Variants in DCC observed in about 807,000 individuals in gnomAD.
DCC encodes DCC netrin 1 receptor.
DCC carries 58 observed loss-of-function variants against 172.5 expected under a neutral mutation model. The ratio of observed to expected loss-of-function variants is 0.34; its 90% CI spans 0.27 to 0.42. The LOEUF is 0.42. DCC is among the 10% of genes least tolerant of loss of function. DCC has a pLI of 1.00. For missense variants in DCC, 1,740 were observed against 1,791.0 expected (o/e 0.97, Z 0.51); for synonymous variants, 709 against 644.5 (o/e 1.10, Z -1.52).
At chr18:52,723,367 A>G (rs1341800544) in intron 1 of DCC, among the ~76,000 whole-genome samples, 1 of 152,202 alleles carries the variant, frequency 6.6e-6, no homozygotes, top group Non-Finnish European at 1.5e-5. Context: ...GCCATTAAGG[A>G]TGACACAAAC....
intron 12 of DCC, among the ~76,000 whole-genome samples, chr18:53,220,378 C>G (rs4632195): frequency 6.6e-6 from 1 of 151,772 alleles, no homozygotes; most frequent in Non-Finnish European, 1.5e-5. Flanking sequence ...GTTCATTTCT[C>G]TCCTGTATGT....
intron 3 of DCC, among the ~76,000 whole-genome samples, chr18:52,909,658 G>C (rs1169645368): frequency 6.6e-6 from 1 of 152,058 alleles, no homozygotes; most frequent in Non-Finnish European, 1.5e-5. Flanking sequence ...AACAAACAGT[G>C]GTTTTAAAGT....
chr18:52,575,619 G>A (rs1226932375), intron 1 of DCC, among the ~76,000 whole-genome samples: 1 of 151,936 alleles, frequency 6.6e-6, no homozygotes, highest in Non-Finnish European at 1.5e-5. Flanking sequence ...TCCTACCTTT[G>A]TAGAAAAATC....
intron 1 of DCC, among the ~76,000 whole-genome samples, chr18:52,496,859 T>C (rs574834219): frequency 1.3e-5 from 2 of 152,136 alleles, no homozygotes; most frequent in Admixed American, 6.5e-5. Context: ...AATAGAAGAT[T>C]GTGCTTGTCC....
At chr18:52,467,202 C>A (rs1322161941) in intron 1 of DCC, among the ~76,000 whole-genome samples, 1 of 151,968 alleles carries the variant, frequency 6.6e-6, no homozygotes, top group Admixed American at 6.6e-5. Flanking sequence ...CCCTAGTCCC[C>A]CACCCCCCGA....
intron 2 of DCC, among the ~76,000 whole-genome samples, chr18:52,823,529 G>T (rs1028258048): frequency 3.3e-5 from 5 of 151,822 alleles, no homozygotes; most frequent in African/African-American, 1.2e-4. Context: ...GGGAATACTT[G>T]GAATGTCAAA....
At chr18:52,470,357 A>T (rs921736) in intron 1 of DCC, among the ~76,000 whole-genome samples, 4,698 of 152,172 alleles carry the variant, frequency 0.031, 252 homozygotes, top group East Asian at 0.24. Flanking sequence ...TAAAGAAGAG[A>T]TATGCATTGT....
chr18:53,261,138 CCCTTGCACTTCCCGGGTGAGGTGATG>C (rs1414834917), intron 12 of DCC, among the ~76,000 whole-genome samples: 3 of 152,142 alleles, frequency 2.0e-5, no homozygotes, highest in Non-Finnish European at 4.4e-5. Flanking sequence ...ATTGCCTGAC[CCCTTGCACTTCCCGGGTGAGGTGATG>C]CCTCGCCCTG....
intron 9 of DCC, among the ~76,000 whole-genome samples, chr18:53,194,362 C>T (rs1017012725): frequency 2.0e-5 from 3 of 152,008 alleles, no homozygotes; most frequent in African/African-American, 4.8e-5. Flanking sequence ...TTAAAAGGCT[C>T]CATTTATATC....
Position 53,312,178 on chromosome 18 carries a change from GAA to G in DCC, c.2053+6463_2053+6464del, listed in dbSNP as rs2057278737. ...CAAAAAAAAAAAAAAAAAAAAAAAA[GAA>G]AAAGAAAATTAGCCTGGTGTGGTGG... On this transcript the variant is annotated intron_variant, in intron 13 of 28. Coordinates refer to ENST00000442544, the MANE Select transcript of DCC (RefSeq NM_005215.4). 7.4e-5 allele frequency among the ~76,000 whole-genome samples: 2 copies of G among 27,204 alleles called. 1 individual carries two copies. Among genetic ancestry groups the G allele is most frequent in the African/African-American group, 3.7e-4 (2 of 5,390 alleles). The allele number at this position is 27,204 out of a possible 152,430, so 17.8% of individuals were successfully genotyped here.
intron 2 of DCC, among the ~76,000 whole-genome samples, chr18:52,850,548 C>T (rs1241262574): frequency 5.3e-5 from 8 of 152,032 alleles, no homozygotes; most frequent in Admixed American, 2.0e-4. Flanking sequence ...TCTAAGTGAA[C>T]GTATGACTAC....
intron 5 of DCC, among the ~76,000 whole-genome samples, chr18:53,056,355 C>G (rs1411369428): frequency 6.6e-6 from 1 of 152,078 alleles, no homozygotes; most frequent in Non-Finnish European, 1.5e-5. Context: ...TCTCAACACA[C>G]GGGGATTACA....
At chr18:52,920,854 C>A (rs1433519582) in intron 3 of DCC, among the ~76,000 whole-genome samples, 1 of 151,994 alleles carries the variant, frequency 6.6e-6, no homozygotes, top group African/African-American at 2.4e-5. Flanking sequence ...AAATAAGTAA[C>A]CTATCAAGCC....
chr18:52,836,935 A>C (rs1311332958), intron 2 of DCC, among the ~76,000 whole-genome samples: 1 of 152,184 alleles, frequency 6.6e-6, no homozygotes, highest in Non-Finnish European at 1.5e-5. Flanking sequence ...AGGTGTCTCC[A>C]TATATCTTCT....
At chr18:52,501,396 C>A (rs1410500227) in intron 1 of DCC, among the ~76,000 whole-genome samples, 2 of 152,148 alleles carry the variant, frequency 1.3e-5, no homozygotes, top group African/African-American at 2.4e-5. Context: ...TCTGTGCACA[C>A]CTTATATGAA....
chr18:52,497,130 G>A (rs910996196), intron 1 of DCC, among the ~76,000 whole-genome samples: 3 of 150,930 alleles, frequency 2.0e-5, no homozygotes, highest in African/African-American at 4.9e-5. Flanking sequence ...GCCTGGTGGT[G>A]CACATCTGTA....
intron 25 of DCC, among the ~76,000 whole-genome samples, chr18:53,477,023 T>G (rs953702359): frequency 2.0e-5 from 3 of 152,216 alleles, no homozygotes; most frequent in Admixed American, 6.5e-5. Flanking sequence ...TATTTTTTAT[T>G]TTTTGAGTCA....
intron 1 of DCC, among the ~76,000 whole-genome samples, chr18:52,658,436 T>C (rs1598994565): frequency 6.6e-6 from 1 of 152,196 alleles, no homozygotes; most frequent in Non-Finnish European, 1.5e-5. Context: ...TAAATAACCC[T>C]GGGCACATTA....
chr18:52,449,049 T>A (rs1444177922), intron 1 of DCC, among the ~76,000 whole-genome samples: 2 of 152,204 alleles, frequency 1.3e-5, no homozygotes, highest in East Asian at 1.9e-4. Flanking sequence ...TGGGGAAGCC[T>A]CACAATCATG....
Sources: gnomAD v4.1 joint callset for allele counts (sites outside exome capture counted in the v4.1 genomes callset) on GRCh38, gnomAD v4.1.1 for gene constraint, MANE v1.5 for transcripts, NCBI Gene and HGNC (gene_info 2026-07-23, HGNC 2026-07-21) for gene names.